Variants in LIPA observed in about 807,000 individuals in gnomAD.
The protein encoded by LIPA is lysosomal acid lipase/cholesteryl ester hydrolase.
A neutral mutation model predicts 40.6 loss-of-function variants in LIPA; 26 were observed. The observed-to-expected ratio is 0.64, with a 90% CI of 0.47 to 0.89. The LOEUF is 0.89. LIPA is among the 40% of genes least tolerant of loss of function. The pLI is 0.00. For synonymous variants in LIPA, 188 were observed against 168.4 expected, an observed-to-expected ratio of 1.12 and a Z score of -0.90; for missense variants, 455 against 479.6, an observed-to-expected ratio of 0.95 and a Z score of 0.48.
intron 2 of LIPA, among the ~76,000 whole-genome samples, chr10:89,393,662 G>A (rs1041884355): frequency 1.3e-5 from 2 of 152,188 alleles, no homozygotes; most frequent in Non-Finnish European, 2.9e-5. Context: ...CCTGGGAGGC[G>A]TAAGTTGCAG....
chr10:89,322,671 A>T lies in LIPA; in HGVS notation c.-2+19940T>A, dbSNP rs1430162116. On this transcript the variant is annotated intron_variant, in intron 1 of 5. Coordinates refer to the LIPA transcript ENST00000282673. ...AGACTTCTGCAAGCCTTGTGCCCCC[A>T]AGAAGACCAGCACTGGTGCCATAGC... is the stretch of plus-strand genomic sequence containing the variant. Among the ~76,000 whole-genome samples the T allele has an allele frequency of 7.3e-5, 11 of 149,678 alleles. No individual in the cohort carries two copies. The East Asian group carries it at 2.2e-3, about 30-fold the overall frequency.
chr10:89,400,177 AGCTGTGTAGTAAGTT>A (rs1256801386), intron 2 of LIPA, among the ~76,000 whole-genome samples: 38 of 152,302 alleles, frequency 2.5e-4, no homozygotes, highest in Middle Eastern at 3.4e-3. Context: ...TGATTACTGT[AGCTGTGTAGTAAGTT>A]TTGAAATCAG....
intron 1 of LIPA, among the ~76,000 whole-genome samples, chr10:89,291,727 A>C (rs1437825972): frequency 6.6e-6 from 1 of 152,206 alleles, no homozygotes; most frequent in African/African-American, 2.4e-5. Context: ...AAGTGTATAC[A>C]TGGTTATTTA....
chr10:89,330,288 CA>C (rs1843637003), intron 1 of LIPA, among the ~76,000 whole-genome samples: 1 of 152,128 alleles, frequency 6.6e-6, no homozygotes, highest in Non-Finnish European at 1.5e-5. Context: ...TCTAGATGAC[CA>C]AAATGGGGCT....
intron 2 of LIPA, chr10:89,403,938 A>G (rs896599717): frequency 2.5e-6 from 1 of 397,042 alleles, no homozygotes. Flanking sequence ...TGTAGTAGAG[A>G]AAAAATGTTA....
chr10:89,375,488 T>C (rs954965482), intron 2 of LIPA, among the ~76,000 whole-genome samples: 6 of 152,228 alleles, frequency 3.9e-5, no homozygotes, highest in African/African-American at 1.4e-4. Flanking sequence ...TATTGTCTTA[T>C]ACTCAGAGTA....
chr10:89,312,216 G>T (rs116908003), intron 1 of LIPA, among the ~76,000 whole-genome samples: 1 of 152,128 alleles, frequency 6.6e-6, no homozygotes, highest in Non-Finnish European at 1.5e-5. Flanking sequence ...TGAGGTGAGC[G>T]GATTGTTTGA....
chr10:89,300,851 G>A (rs1843441246), intron 1 of LIPA, among the ~76,000 whole-genome samples: 1 of 152,268 alleles, frequency 6.6e-6, no homozygotes, highest in Non-Finnish European at 1.5e-5. Flanking sequence ...GCCGGGCGTG[G>A]TGGTGCGTGC....
chr10:89,352,360 C>T (rs1055403447), intron 2 of LIPA, among the ~76,000 whole-genome samples: 4 of 152,304 alleles, frequency 2.6e-5, no homozygotes, highest in South Asian at 2.1e-4. Flanking sequence ...CCATGGATCA[C>T]GCTAACACCA....
chr10:89,354,016 C>T (rs915832020), intron 2 of LIPA, among the ~76,000 whole-genome samples: 1 of 152,046 alleles, frequency 6.6e-6, no homozygotes, highest in Non-Finnish European at 1.5e-5. Flanking sequence ...TTTTAATAAA[C>T]TTTCTCTCCT....
At chr10:89,327,380 G>A (rs146505605) in intron 1 of LIPA, among the ~76,000 whole-genome samples, 3,069 of 152,080 alleles carry the variant, frequency 0.02, 58 homozygotes, top group African/African-American at 0.05. Context: ...GCGAAACCTC[G>A]TCTCTACTAA....
At chr10:89,398,883 G>A (rs1844382355) in intron 2 of LIPA, among the ~76,000 whole-genome samples, 1 of 152,048 alleles carries the variant, frequency 6.6e-6, no homozygotes, top group African/African-American at 2.4e-5. Flanking sequence ...TTCTTTTTGG[G>A]TATAAAACCA....
chr10:89,380,715 T>C (rs971405099), intron 2 of LIPA, among the ~76,000 whole-genome samples: 5 of 152,172 alleles, frequency 3.3e-5, no homozygotes, highest in Non-Finnish European at 5.9e-5. Context: ...TTACAGGCAT[T>C]AGCCACCACG....
At chr10:89,402,747 G>A in intron 2 of LIPA, 1 of 1,614,204 alleles carries the variant, frequency 6.2e-7, no homozygotes, top group Non-Finnish European at 8.5e-7. Context: ...AAAAAATTAT[G>A]AACGGGCCAA....
intron 1 of LIPA, among the ~76,000 whole-genome samples, chr10:89,248,545 G>C (rs1322156982): frequency 6.7e-6 from 1 of 149,838 alleles, no homozygotes; most frequent in South Asian, 2.1e-4. Context: ...CGCAATCTTG[G>C]CTCACTGCAA....
At chr10:89,402,631 A>T (rs1844448289) in intron 2 of LIPA, 1 of 1,614,234 alleles carries the variant, frequency 6.2e-7, no homozygotes. Flanking sequence ...ACTTACCTGG[A>T]CAAGGTGGAG....
At position 89,313,616 on chromosome 10, in the gene LIPA, T is replaced by C. The variant is rs1316436032; in HGVS notation, c.-2+28995A>G. Among the ~76,000 whole-genome samples, 5 of 152,206 alleles carry C rather than the reference T, an allele frequency of 3.3e-5. No individual in the cohort carries two copies. The East Asian group carries it at 7.7e-4, about 23-fold the overall frequency. On this transcript the variant is annotated intron_variant, in intron 1 of 5. Transcript: ENST00000282673. ...TGCATGAATGTTCATAGCTGTATTATTCATGATGGCCAAAAAGTGGACCCA... is the reference window on the plus strand; with the variant it reads ...TGCATGAATGTTCATAGCTGTATTACTCATGATGGCCAAAAAGTGGACCCA...
chr10:89,297,543 A>G (rs1843422511), intron 1 of LIPA, among the ~76,000 whole-genome samples: 1 of 152,196 alleles, frequency 6.6e-6, no homozygotes, highest in Admixed American at 6.5e-5. Flanking sequence ...GCAGCACCCC[A>G]GCCCACAGGG....
intron 2 of LIPA, among the ~76,000 whole-genome samples, chr10:89,389,975 CTTTTTTTTTT>C (rs56947144): frequency 2.5e-5 from 2 of 80,328 alleles, no homozygotes; most frequent in South Asian, 4.3e-4. Flanking sequence ...AGATTTCTTT[CTTTTTTTTTT>C]TTTTTTTTTT....
Sources: gnomAD v4.1 joint callset for allele counts (sites outside exome capture counted in the v4.1 genomes callset) on GRCh38, gnomAD v4.1.1 for gene constraint, MANE v1.5 for transcripts, NCBI Gene and HGNC (gene_info 2026-07-23, HGNC 2026-07-21) for gene names.